Variants in OPCML observed in about 807,000 individuals in gnomAD.
OPCML encodes the protein opioid binding protein/cell adhesion molecule like, also known as opioid-binding protein/cell adhesion molecule.
A neutral mutation model predicts 37.8 loss-of-function variants in OPCML; 13 were observed. The observed-to-expected ratio is 0.34, with a 90% CI of 0.22 to 0.55. OPCML has a LOEUF of 0.55. Among genes scored for constraint, OPCML ranks in the 20% least tolerant of loss-of-function variants. The pLI, the probability that OPCML is intolerant of heterozygous loss-of-function variation, is 0.91. For missense variants in OPCML, 341 were observed against 435.6 expected (o/e 0.78, Z 1.93); for synonymous variants, 176 against 168.8 (o/e 1.04, Z -0.33).
chr11:132,689,130 G>A (rs1943300924), intron 2 of OPCML, among the ~76,000 whole-genome samples: 1 of 152,078 alleles, frequency 6.6e-6, no homozygotes, highest in African/African-American at 2.4e-5. Flanking sequence ...CTGTGAGGCA[G>A]GGCTCCATAA....
chr11:133,413,757 C>T (rs1945701595), intron 1 of OPCML, among the ~76,000 whole-genome samples: 1 of 152,160 alleles, frequency 6.6e-6, no homozygotes, highest in Non-Finnish European at 1.5e-5. Flanking sequence ...TAGAACTGTG[C>T]TTAATTAAAC....
chr11:133,233,723 A>G (rs1004538403), intron 1 of OPCML, among the ~76,000 whole-genome samples: 6 of 152,164 alleles, frequency 3.9e-5, no homozygotes, highest in Admixed American at 6.5e-5. Flanking sequence ...ACTTCTTCCT[A>G]TGAAGCCCCT....
At chr11:133,161,722 A>G (rs887466267) in intron 1 of OPCML, among the ~76,000 whole-genome samples, 3 of 152,266 alleles carry the variant, frequency 2.0e-5, no homozygotes, top group African/African-American at 7.2e-5. Context: ...ATATGTATAT[A>G]TAATCTTGAG....
chr11:133,063,552 A>G (rs1489400125), intron 1 of OPCML, among the ~76,000 whole-genome samples: 4 of 147,298 alleles, frequency 2.7e-5, no homozygotes, highest in Admixed American at 1.4e-4. Context: ...AGAAAAGGTC[A>G]TTTACAGAGC....
chr11:133,348,153 A>G (rs1944043815), intron 1 of OPCML, among the ~76,000 whole-genome samples: 1 of 152,228 alleles, frequency 6.6e-6, no homozygotes. Context: ...CTGTGACTAA[A>G]GTCTCTGTTA....
intron 3 of OPCML, among the ~76,000 whole-genome samples, chr11:132,547,263 A>G (rs761398985): frequency 6.6e-6 from 1 of 152,212 alleles, no homozygotes; most frequent in Non-Finnish European, 1.5e-5. Flanking sequence ...AAGTCAAGGC[A>G]GAAAAGTGGG....
chr11:132,844,243 G>A (rs1941424002), intron 2 of OPCML, among the ~76,000 whole-genome samples: 1 of 152,178 alleles, frequency 6.6e-6, no homozygotes, highest in African/African-American at 2.4e-5. Context: ...GTCTTTATCA[G>A]CAGCGTGAGA....
chr11:133,027,491 TGTG>T (rs917965244), intron 1 of OPCML, among the ~76,000 whole-genome samples: 24 of 119,514 alleles, frequency 2.0e-4, no homozygotes, highest in African/African-American at 7.0e-4. Context: ...GTGTGTGTGT[TGTG>T]TGTGTGTGTG....
chr11:133,240,751 C>T (rs1231603072), intron 1 of OPCML, among the ~76,000 whole-genome samples: 1 of 152,178 alleles, frequency 6.6e-6, no homozygotes, highest in Non-Finnish European at 1.5e-5. Flanking sequence ...GTCAACACAT[C>T]CAGTGTTGTT....
intron 3 of OPCML, among the ~76,000 whole-genome samples, chr11:132,618,954 T>TACACACACACACAC (rs6144570): frequency 8.1e-4 from 118 of 145,546 alleles, no homozygotes; most frequent in Non-Finnish European, 1.1e-3. Context: ...AGCACACGCA[T>TACACACACACACAC]ACACACACAC....
At chr11:133,431,482 C>T (rs953833616) in intron 1 of OPCML, among the ~76,000 whole-genome samples, 20 of 151,794 alleles carry the variant, frequency 1.3e-4, no homozygotes, top group Non-Finnish European at 1.8e-4. Context: ...TGTTTGTTTT[C>T]GACGCGGAGT....
rs1396059096 is a variant in OPCML at position 133,140,841 on chromosome 11, C to CGACGACGACGACGAAGAA, written c.62-197849_62-197832dup. On this transcript the variant is annotated intron_variant, in intron 1 of 7. Transcript: ENST00000524381. Reference sequence around the variant, plus strand: ...AAGAAGAAGACGACGACGAAGAAGACGACGACGACGACGAAGAAGACGACG... The same window carrying CGACGACGACGACGAAGAA: ...AAGAAGAAGACGACGACGAAGAAGACGACGACGACGACGAAGAAGACGACGACGACGAAGAAGACGACG... Among the ~76,000 whole-genome samples, 3 of 5,910 alleles carry CGACGACGACGACGAAGAA rather than the reference C, an allele frequency of 5.1e-4. 1 individual carries two copies. Among genetic ancestry groups the CGACGACGACGACGAAGAA allele is most frequent in the Non-Finnish European group, 1.9e-3 (2 of 1,080 alleles). The allele number at this position is 5,910 out of a possible 152,430, so 3.9% of individuals were successfully genotyped here. A position where few individuals can be genotyped will look rare whatever the true frequency, so the allele number is the denominator to read the frequency against.
intron 1 of OPCML, among the ~76,000 whole-genome samples, chr11:133,242,067 G>A (rs1222374652): frequency 1.3e-5 from 2 of 152,022 alleles, no homozygotes; most frequent in Non-Finnish European, 2.9e-5. Flanking sequence ...ATGACATATG[G>A]CAGCTAAATT....
chr11:133,478,724 T>G (rs1347869699), intron 1 of OPCML, among the ~76,000 whole-genome samples: 2 of 152,232 alleles, frequency 1.3e-5, no homozygotes, highest in Non-Finnish European at 2.9e-5. Flanking sequence ...GTTTCATGTT[T>G]CCATGTGAAA....
chr11:133,332,856 A>G (rs1030596643), intron 1 of OPCML, among the ~76,000 whole-genome samples: 3 of 152,140 alleles, frequency 2.0e-5, no homozygotes, highest in African/African-American at 7.2e-5. Context: ...TTTGGTTTGC[A>G]AGTATTTTAT....
chr11:133,239,875 G>C (rs1175536376), intron 1 of OPCML, among the ~76,000 whole-genome samples: 1 of 152,062 alleles, frequency 6.6e-6, no homozygotes, highest in Non-Finnish European at 1.5e-5. Flanking sequence ...GTGTGTGCTC[G>C]CAAGCTTTTA....
At chr11:133,096,357 T>C (rs540185131) in intron 1 of OPCML, among the ~76,000 whole-genome samples, 2 of 152,008 alleles carry the variant, frequency 1.3e-5, no homozygotes, top group Non-Finnish European at 2.9e-5. Flanking sequence ...AAAAAAATGG[T>C]TTTTAAAAAG....
intron 1 of OPCML, among the ~76,000 whole-genome samples, chr11:133,465,420 G>A (rs142686108): frequency 1.1e-3 from 174 of 152,270 alleles, no homozygotes; most frequent in African/African-American, 3.9e-3. Context: ...ACATTTTGGG[G>A]TGGTGGAATG....
At chr11:133,409,939 G>A (rs1025381229) in intron 1 of OPCML, among the ~76,000 whole-genome samples, 1 of 152,080 alleles carries the variant, frequency 6.6e-6, no homozygotes, top group African/African-American at 2.4e-5. Context: ...ACACAGGCGG[G>A]TCACATAGCT....
Sources: allele counts gnomAD v4.1 joint callset (sites outside exome capture counted in the v4.1 genomes callset), GRCh38; gene constraint gnomAD v4.1.1; transcripts MANE v1.5; gene names NCBI Gene and HGNC (gene_info 2026-07-23, HGNC 2026-07-21).